Variants in NXPH1 observed in about 807,000 individuals in gnomAD.
The protein encoded by NXPH1 is neurexophilin 1.
A neutral mutation model predicts 23.7 loss-of-function variants in NXPH1; 5 were observed. The observed-to-expected ratio is 0.21, with a 90% CI of 0.11 to 0.44. The LOEUF is 0.44. NXPH1 is among the 20% of genes least tolerant of loss of function. The probability of loss-of-function intolerance (pLI) is 0.99; values close to 1 mark genes in which losing one functional copy is unlikely to be tolerated. For missense variants in NXPH1, 324 were observed against 321.6 expected, an observed-to-expected ratio of 1.01 and a Z score of -0.06; for synonymous variants, 144 against 122.2, an observed-to-expected ratio of 1.18 and a Z score of -1.18.
intron 2 of NXPH1, among the ~76,000 whole-genome samples, chr7:8,460,573 A>G (rs1419737933): frequency 6.6e-6 from 1 of 152,174 alleles, no homozygotes; most frequent in African/African-American, 2.4e-5. Context: ...ATTCAATGAG[A>G]AGGCTATCTT....
chr7:8,679,841 T>C (rs768088024), intron 2 of NXPH1, among the ~76,000 whole-genome samples: 28 of 152,230 alleles, frequency 1.8e-4, no homozygotes, highest in Non-Finnish European at 3.4e-4. Flanking sequence ...ACCAACATGG[T>C]GAAACTCTGT....
chr7:8,638,174 A>T (rs937632384), intron 2 of NXPH1, among the ~76,000 whole-genome samples: 2 of 152,248 alleles, frequency 1.3e-5, no homozygotes. Context: ...ACGAGCTAGG[A>T]AAACAAAGCA....
At position 8,751,014 on chromosome 7, in the gene NXPH1, T is replaced by A. The variant is rs776168924; in HGVS notation, c.61T>A (p.Cys21Ser). The A allele has an allele frequency of 1.3e-5, 21 of 1,613,538 alleles. No individual in the cohort carries two copies. The East Asian group carries it at 2.2e-4, about 17-fold the overall frequency. The change falls in exon 3 of 3, where the codon TGT (cysteine) becomes AGT (serine). Residue 21 changes from cysteine to serine, a missense_variant. Coordinates refer to ENST00000405863, the MANE Select transcript of NXPH1 (RefSeq NM_152745.3). This position sits in a 1 kb window ranked among gnomAD's most constrained non-coding sequence, Gnocchi z 4.5. ...LLQPTVYLVT[C>S]ANLTNGGKSE... ...TTTTCTCTTCTGTTTTCAGGTCACA[T>A]GTGCCAATTTAACGAACGGTGGAAA...
At chr7:8,728,533 G>C (rs541505835) in intron 2 of NXPH1, among the ~76,000 whole-genome samples, 3 of 152,120 alleles carry the variant, frequency 2.0e-5, no homozygotes, top group African/African-American at 7.2e-5. Flanking sequence ...AATTTATTGA[G>C]AGTTTTTAGC....
chr7:8,710,822 C>T (rs1044520532), intron 2 of NXPH1, among the ~76,000 whole-genome samples: 2 of 137,302 alleles, frequency 1.5e-5, no homozygotes, highest in Non-Finnish European at 3.0e-5. Flanking sequence ...GCCACCGCGC[C>T]CGGCTAATTT....
chr7:8,627,365 A>G (rs1471459956), intron 2 of NXPH1, among the ~76,000 whole-genome samples: 1 of 152,142 alleles, frequency 6.6e-6, no homozygotes, highest in South Asian at 2.1e-4. Flanking sequence ...AAAAGAACTC[A>G]GGGGAAATAG....
chr7:8,446,364 G>A (rs1816403629), intron 2 of NXPH1, among the ~76,000 whole-genome samples: 1 of 152,060 alleles, frequency 6.6e-6, no homozygotes, highest in Non-Finnish European at 1.5e-5. Context: ...TAGGAATGAT[G>A]CATTTTCTTA....
intron 2 of NXPH1, among the ~76,000 whole-genome samples, chr7:8,462,293 C>G (rs1563317257): frequency 6.6e-6 from 1 of 152,218 alleles, no homozygotes; most frequent in Non-Finnish European, 1.5e-5. Flanking sequence ...ATGATCCACC[C>G]ACCTTAGCCT....
intron 2 of NXPH1, among the ~76,000 whole-genome samples, chr7:8,708,850 A>C (rs959056969): frequency 6.6e-6 from 1 of 152,172 alleles, no homozygotes. Context: ...CATGTGTTCC[A>C]TGACGAGCAA....
At chr7:8,624,711 G>A (rs1819950494) in intron 2 of NXPH1, among the ~76,000 whole-genome samples, 1 of 152,124 alleles carries the variant, frequency 6.6e-6, no homozygotes, top group Non-Finnish European at 1.5e-5. Flanking sequence ...AAAGACAATT[G>A]CAGAGTGAAT....
intron 2 of NXPH1, among the ~76,000 whole-genome samples, chr7:8,645,229 T>C (rs756431670): frequency 1.5e-4 from 23 of 152,182 alleles, no homozygotes; most frequent in Non-Finnish European, 3.1e-4. Context: ...ACATCTTTAA[T>C]TTTATTAGAT....
intron 2 of NXPH1, among the ~76,000 whole-genome samples, chr7:8,551,116 C>T (rs531544057): frequency 2.6e-5 from 4 of 151,546 alleles, no homozygotes; most frequent in African/African-American, 9.7e-5. Flanking sequence ...AAAAGGATGT[C>T]TGTCTCATGA....
chr7:8,725,772 G>A (rs73244854), intron 2 of NXPH1, among the ~76,000 whole-genome samples: 34,336 of 151,714 alleles, frequency 0.23, 4,292 homozygotes, highest in East Asian at 0.34. Context: ...TTATAGGAGT[G>A]TGGAGAGGCT....
At chr7:8,578,358 G>T (rs182250421) in intron 2 of NXPH1, among the ~76,000 whole-genome samples, 36 of 152,212 alleles carry the variant, frequency 2.4e-4, no homozygotes, top group African/African-American at 7.9e-4. Flanking sequence ...TCAAATCATC[G>T]TTAAGTCAGG....
intron 2 of NXPH1, among the ~76,000 whole-genome samples, chr7:8,475,617 T>A (rs950545347): frequency 6.6e-6 from 1 of 152,120 alleles, no homozygotes; most frequent in African/African-American, 2.4e-5. Flanking sequence ...CGGGACTGAT[T>A]GCTGGGGAAA....
Position 8,477,953 on chromosome 7 carries a change from G to T in NXPH1, c.54+42186G>T, listed in dbSNP as rs80315765. Among the ~76,000 whole-genome samples the T allele has an allele frequency of 1.1e-3, 173 of 152,130 alleles. 4 individuals are homozygous for T. In the East Asian group the frequency reaches 0.024, roughly 21 times the overall value. ...GATTTAAAAGGCCTGAATCATGTCT[G>T]CCTCATTAATCATTCTTGCTAATCA... On this transcript the variant is annotated intron_variant, in intron 2 of 2. Coordinates refer to ENST00000405863, the MANE Select transcript of NXPH1 (RefSeq NM_152745.3).
rs142167912 is a variant in NXPH1, at chr7:8,460,842, A to G, written c.54+25075A>G. On this transcript the variant is annotated intron_variant, in intron 2 of 2. Transcript: ENST00000405863. ...ACAGTCAAACATCTGTTGGCTAACT[A>G]TAAAAAGGAAGATTGGAGTGATCAT... Among the ~76,000 whole-genome samples, 414 of 152,350 alleles carry G rather than the reference A, an allele frequency of 2.7e-3. 1 individual carries two copies. Among genetic ancestry groups the G allele is most frequent in the Non-Finnish European group, 4.3e-3 (290 of 68,028 alleles).
chr7:8,506,736 G>A (rs1178085508), intron 2 of NXPH1, among the ~76,000 whole-genome samples: 1 of 152,092 alleles, frequency 6.6e-6, no homozygotes, highest in Non-Finnish European at 1.5e-5. Context: ...ATTAGGCAAG[G>A]AGATGGTGGT....
intron 2 of NXPH1, among the ~76,000 whole-genome samples, chr7:8,454,673 A>C (rs967233797): frequency 6.6e-6 from 1 of 152,170 alleles, no homozygotes; most frequent in East Asian, 1.9e-4. Context: ...AGCCTCTTTA[A>C]AAAGAGAAAC....
Sources: gnomAD v4.1 joint callset for allele counts (sites outside exome capture counted in the v4.1 genomes callset) on GRCh38, gnomAD v4.1.1 for gene constraint, Gnocchi (gnomAD v3.1) non-coding constraint, MANE v1.5 for transcripts, NCBI Gene and HGNC (gene_info 2026-07-23, HGNC 2026-07-21) for gene names.